Variants in NAALADL2 observed in about 807,000 individuals in gnomAD.
NAALADL2 encodes N-acetylated alpha-linked acidic dipeptidase like 2.
In NAALADL2, 76 loss-of-function variants were observed where a neutral mutation model predicts 87.2. That is an observed-to-expected ratio of 0.87 (90% confidence interval 0.72 to 1.05). NAALADL2 has a LOEUF of 1.05. Among genes scored for constraint, NAALADL2 ranks in the 50% least tolerant of loss-of-function variants. The pLI, the probability that NAALADL2 is intolerant of heterozygous loss-of-function variation, is 0.00. For synonymous variants in NAALADL2, 354 were observed against 331.0 expected (o/e 1.07, Z -0.75); for missense variants, 1,089 against 945.8 (o/e 1.15, Z -1.99).
chr3:175,504,723 A>G (rs1730060064), intron 9 of NAALADL2, among the ~76,000 whole-genome samples: 2 of 152,076 alleles, frequency 1.3e-5, no homozygotes, highest in African/African-American at 4.8e-5. Flanking sequence ...TACTCAGTTT[A>G]TGAAATTTTG....
intron 5 of NAALADL2, among the ~76,000 whole-genome samples, chr3:175,327,146 T>C (rs1207423048): frequency 2.2e-5 from 3 of 134,816 alleles, no homozygotes; most frequent in Non-Finnish European, 4.5e-5. Context: ...CTGTCTACAT[T>C]TCTTTTTTTT....
intron 4 of NAALADL2, among the ~76,000 whole-genome samples, chr3:175,278,969 G>T (rs933185082): frequency 2.0e-5 from 3 of 152,030 alleles, no homozygotes; most frequent in Non-Finnish European, 4.4e-5. Context: ...TGTGCTATTT[G>T]GTGTAATAGG....
intron 11 of NAALADL2, among the ~76,000 whole-genome samples, chr3:175,732,142 C>T (rs1253231056): frequency 6.6e-6 from 1 of 152,094 alleles, no homozygotes; most frequent in Non-Finnish European, 1.5e-5. Context: ...TTTGTGATCA[C>T]TCTGCTGGTG....
At chr3:174,569,497 C>T (rs1048637354) in intron 2 of NAALADL2, among the ~76,000 whole-genome samples, 2 of 152,088 alleles carry the variant, frequency 1.3e-5, no homozygotes, top group Non-Finnish European at 2.9e-5. Flanking sequence ...TTGCCATCCT[C>T]TCTGTCATTT....
At chr3:175,762,413 G>C (rs1032915986) in intron 13 of NAALADL2, among the ~76,000 whole-genome samples, 1 of 152,094 alleles carries the variant, frequency 6.6e-6, no homozygotes, top group Non-Finnish European at 1.5e-5. Flanking sequence ...ATTTTTAAAA[G>C]TGGGAAGAGA....
rs73034461 is a variant in NAALADL2 at position 175,047,062 on chromosome 3, A to G, written c.44-49728A>G. ...GGTGGAAGGGGTGAGGGAACTCTAC[A>G]GAGTCTCTTTTATAAGAGCACGAAT... On this transcript the variant is annotated intron_variant, in intron 1 of 13. Transcript: ENST00000454872. Among the ~76,000 whole-genome samples, 480 of 152,264 alleles carry G rather than the reference A, an allele frequency of 3.2e-3. 3 individuals are homozygous for G. The highest frequency in any genetic ancestry group is 0.011 in the African/African-American group (462 of 41,568).
chr3:175,371,851 A>T (rs1259379354), intron 5 of NAALADL2, among the ~76,000 whole-genome samples: 1 of 151,952 alleles, frequency 6.6e-6, no homozygotes, highest in Non-Finnish European at 1.5e-5. Flanking sequence ...AATGGCTATT[A>T]TTCATCTTTC....
intron 5 of NAALADL2, among the ~76,000 whole-genome samples, chr3:175,406,833 T>C (rs1211962058): frequency 6.6e-6 from 1 of 152,084 alleles, no homozygotes; most frequent in Non-Finnish European, 1.5e-5. Flanking sequence ...ATTCTTTTGT[T>C]ATGGCTTCCT....
At chr3:175,331,894 G>T (rs929385223) in intron 5 of NAALADL2, among the ~76,000 whole-genome samples, 5 of 152,092 alleles carry the variant, frequency 3.3e-5, no homozygotes, top group Non-Finnish European at 7.4e-5. Flanking sequence ...AGAGTTGCAG[G>T]ATACAAAATC....
chr3:175,790,621 C>T (rs996958277), intron 13 of NAALADL2, among the ~76,000 whole-genome samples: 5 of 152,212 alleles, frequency 3.3e-5, no homozygotes, highest in African/African-American at 9.6e-5. Flanking sequence ...GTTTCAGTTT[C>T]CTCACCTTGG....
At chr3:174,930,543 C>G (rs2108411985) in intron 1 of NAALADL2, among the ~76,000 whole-genome samples, 1 of 146,682 alleles carries the variant, frequency 6.8e-6, no homozygotes, top group South Asian at 2.2e-4. Context: ...GAATGAATAG[C>G]TTTGGAAAAG....
intron 4 of NAALADL2, among the ~76,000 whole-genome samples, chr3:175,268,795 T>C (rs1752358904): frequency 6.6e-6 from 1 of 152,150 alleles, no homozygotes; most frequent in African/African-American, 2.4e-5. Flanking sequence ...TCAGTATCAC[T>C]GTCTTCCACC....
At chr3:175,664,268 A>T (rs893794568) in intron 11 of NAALADL2, among the ~76,000 whole-genome samples, 1 of 152,084 alleles carries the variant, frequency 6.6e-6, no homozygotes, top group Non-Finnish European at 1.5e-5. Flanking sequence ...GAATATTGTT[A>T]GGAGTTAGTT....
At chr3:175,132,613 A>T (rs1580623394) in intron 2 of NAALADL2, among the ~76,000 whole-genome samples, 1 of 90,218 alleles carries the variant, frequency 1.1e-5, no homozygotes, top group Non-Finnish European at 2.2e-5. Flanking sequence ...CAGGGGGCTG[A>T]CCCCCCCACC....
At chr3:175,446,330 C>T (rs1352150003) in intron 5 of NAALADL2, among the ~76,000 whole-genome samples, 2 of 152,084 alleles carry the variant, frequency 1.3e-5, no homozygotes, top group African/African-American at 4.8e-5. Flanking sequence ...CAACCTCTGC[C>T]TCCCGAGTTC....
At chr3:175,190,294 T>C (rs1010445106) in intron 2 of NAALADL2, among the ~76,000 whole-genome samples, 1 of 152,058 alleles carries the variant, frequency 6.6e-6, no homozygotes, top group Non-Finnish European at 1.5e-5. Flanking sequence ...GTAAGACATT[T>C]GGAAACCATA....
chr3:174,893,804 A>G (rs1024195063), intron 1 of NAALADL2, among the ~76,000 whole-genome samples: 1 of 152,190 alleles, frequency 6.6e-6, no homozygotes, highest in African/African-American at 2.4e-5. Context: ...TGAAAGAGGA[A>G]AGAGAAGACC....
At chr3:175,020,268 A>T (rs1385116739) in intron 1 of NAALADL2, among the ~76,000 whole-genome samples, 1 of 152,068 alleles carries the variant, frequency 6.6e-6, no homozygotes, top group Non-Finnish European at 1.5e-5. Context: ...ATTATTCACC[A>T]GTCAGCAAAG....
At chr3:174,772,905 T>A (rs567986168) in intron 3 of NAALADL2, among the ~76,000 whole-genome samples, 4 of 152,270 alleles carry the variant, frequency 2.6e-5, no homozygotes, top group Admixed American at 2.6e-4. Flanking sequence ...AGAGTAATTC[T>A]AAAAGGTGTT....
Sources: gnomAD v4.1 joint callset for allele counts (sites outside exome capture counted in the v4.1 genomes callset) on GRCh38, gnomAD v4.1.1 for gene constraint, MANE v1.5 for transcripts, NCBI Gene and HGNC (gene_info 2026-07-23, HGNC 2026-07-21) for gene names.